SHC4: variants seen among roughly 807,000 people sequenced by gnomAD.
SHC4 encodes the protein SHC adaptor protein 4, also known as SHC-transforming protein 4.
A neutral mutation model predicts 69.4 loss-of-function variants in SHC4; 41 were observed. The observed-to-expected ratio is 0.59, with a 90% CI of 0.46 to 0.77. SHC4 has a LOEUF of 0.77. Among genes scored for constraint, SHC4 ranks in the 30% least tolerant of loss-of-function variants. The pLI is 0.00. For synonymous variants in SHC4, 318 were observed against 299.3 expected (o/e 1.06, Z -0.64); for missense variants, 777 against 783.8 (o/e 0.99, Z 0.10).
At chr15:48,914,161 C>G (rs933431508) in intron 2 of SHC4, among the ~76,000 whole-genome samples, 3 of 152,210 alleles carry the variant, frequency 2.0e-5, no homozygotes, top group Non-Finnish European at 4.4e-5. Context: ...GCGCCCGGCG[C>G]GACATTGTGC....
At chr15:48,955,471 A>T (rs1392274718) in intron 1 of SHC4, among the ~76,000 whole-genome samples, 1 of 152,140 alleles carries the variant, frequency 6.6e-6, no homozygotes, top group African/African-American at 2.4e-5. Flanking sequence ...CATGGAAATG[A>T]GAGGAAACCA....
intron 9 of SHC4, among the ~76,000 whole-genome samples, chr15:48,847,182 A>G (rs1405837393): frequency 6.6e-6 from 1 of 152,150 alleles, no homozygotes; most frequent in Non-Finnish European, 1.5e-5. Flanking sequence ...ACGCCTTCCA[A>G]AAGTTCTTTG....
At chr15:48,839,356 TG>T (rs1898952104) in intron 10 of SHC4, among the ~76,000 whole-genome samples, 2 of 152,172 alleles carry the variant, frequency 1.3e-5, no homozygotes, top group Non-Finnish European at 2.9e-5. Context: ...ATGACCACAG[TG>T]GGAAATAGCC....
chr15:48,960,476 G>A (rs993041709), intron 1 of SHC4, among the ~76,000 whole-genome samples: 17 of 152,176 alleles, frequency 1.1e-4, no homozygotes, highest in African/African-American at 4.1e-4. Context: ...TCCATTATGT[G>A]CCATGTCACT....
chr15:48,936,789 G>C (rs1421607454), intron 1 of SHC4, among the ~76,000 whole-genome samples: 2 of 152,148 alleles, frequency 1.3e-5, no homozygotes, highest in East Asian at 3.8e-4. Context: ...AAAAAGTACT[G>C]GTCATCTGTG....
Position 48,866,665 on chromosome 15 carries a change from G to A in SHC4, c.946+1153C>T, listed in dbSNP as rs571929070. On this transcript the variant is annotated intron_variant, in intron 6 of 11. Transcript: ENST00000332408. ...TGTCTGTCCTATAGATGCCTTTTAC[G>A]CTTTTACATTGTGAGGTCCAGGGTG... is the stretch of plus-strand genomic sequence containing the variant. 8.5e-5 allele frequency among the ~76,000 whole-genome samples: 13 copies of A among 152,192 alleles called. No homozygotes were observed. The East Asian group carries it at 1.2e-3, about 14-fold the overall frequency.
intron 1 of SHC4, among the ~76,000 whole-genome samples, chr15:48,931,231 T>C (rs899824449): frequency 2.6e-5 from 4 of 152,206 alleles, no homozygotes; most frequent in Admixed American, 6.5e-5. Context: ...TTAGAATCAC[T>C]TGGGAAGTAT....
intron 1 of SHC4, chr15:48,938,220 T>C (rs1567074626): frequency 6.6e-6 from 1 of 152,244 alleles, no homozygotes; most frequent in Non-Finnish European, 1.5e-5. Context: ...AGCAATTGAC[T>C]ACTCTCTCCT....
At chr15:48,844,511 T>A (rs901438080) in intron 9 of SHC4, among the ~76,000 whole-genome samples, 2 of 152,188 alleles carry the variant, frequency 1.3e-5, no homozygotes, top group African/African-American at 4.8e-5. Flanking sequence ...CTTTTCTCCA[T>A]CACTGTCATC....
chr15:48,921,427 C>G (rs192054311), intron 2 of SHC4, among the ~76,000 whole-genome samples: 87 of 151,916 alleles, frequency 5.7e-4, no homozygotes, highest in Admixed American at 2.6e-3. Flanking sequence ...CTCCGCCTCC[C>G]GGGTTCAAGC....
chr15:48,865,402 T>A (rs975368382), intron 6 of SHC4, among the ~76,000 whole-genome samples: 1 of 152,160 alleles, frequency 6.6e-6, no homozygotes, highest in African/African-American at 2.4e-5. Context: ...TAGAGACATA[T>A]TAACTTTTAA....
rs117728702 is a variant in SHC4, at chr15:48,861,549, T to G, written c.947-3734A>C. Reference sequence around the variant, plus strand: ...CAGGATTAAAACCAATTCCAAAAGCTTGGCCAAGAATTGCCCAATTTTCAG... The same window carrying G: ...CAGGATTAAAACCAATTCCAAAAGCGTGGCCAAGAATTGCCCAATTTTCAG... On this transcript the variant is annotated intron_variant, in intron 6 of 11. Transcript: ENST00000332408. Among the ~76,000 whole-genome samples, 1,282 of 152,282 alleles carry G rather than the reference T, an allele frequency of 8.4e-3. 72 individuals are homozygous for G. In the East Asian group the frequency reaches 0.14, roughly 17 times the overall value.
intron 2 of SHC4, among the ~76,000 whole-genome samples, chr15:48,892,544 T>C (rs1900154870): frequency 2.0e-5 from 3 of 152,180 alleles, no homozygotes; most frequent in Admixed American, 6.5e-5. Context: ...GACTACTCAA[T>C]AATTGATAAG....
rs779014544 is a variant in SHC4 at position 48,963,021 on chromosome 15, T to C, written c.-6A>G. 17 of 1,598,150 alleles carry C rather than the reference T, an allele frequency of 1.1e-5. 1 individual carries two copies. Among genetic ancestry groups the C allele is most frequent in the Middle Eastern group, 1.7e-4 (1 of 5,986 alleles). ...TCCTGGCCGCGTTCTCGCATAGCCT[T>C]GGCAGTGCTGAAACAGGATACTGTT... On this transcript the variant is annotated 5_prime_UTR_variant, in exon 1 of 12. Transcript: ENST00000332408.
intron 4 of SHC4, chr15:48,878,166 C>G (rs1318024514): frequency 6.5e-7 from 1 of 1,530,680 alleles, no homozygotes; most frequent in South Asian, 1.3e-5. Flanking sequence ...AGAGGTTGAG[C>G]GGTTTGCACA....
chr15:48,928,535 T>G (rs1334923154), intron 1 of SHC4, among the ~76,000 whole-genome samples: 1 of 152,044 alleles, frequency 6.6e-6, no homozygotes, highest in Non-Finnish European at 1.5e-5. Flanking sequence ...AGTGTCAAAG[T>G]GAAGGCTATT....
intron 2 of SHC4, 128 bp from the exon 3 acceptor site, chr15:48,890,939 T>TATTC (rs1227162273): frequency 1.1e-5 from 11 of 965,276 alleles, no homozygotes; most frequent in Non-Finnish European, 1.8e-5. Context: ...ACACAAATGG[T>TATTC]ATTCTCCCAG....
chr15:48,908,962 C>T (rs1900459706), intron 2 of SHC4, among the ~76,000 whole-genome samples: 1 of 152,016 alleles, frequency 6.6e-6, no homozygotes, highest in Non-Finnish European at 1.5e-5. Flanking sequence ...ACTATAGTAT[C>T]GTTTGAAATC....
rs141299983 is a variant in SHC4 at position 48,827,262 on chromosome 15, A to G, written c.1738-1136T>C. On this transcript the variant is annotated intron_variant, in intron 11 of 11. Coordinates refer to ENST00000332408, the MANE Select transcript of SHC4 (RefSeq NM_203349.4). Reference sequence around the variant, plus strand: ...ATGCATAATTACTGGAATAATTAATATAATTTGAATATGGACTATGACTTA... The same window carrying G: ...ATGCATAATTACTGGAATAATTAATGTAATTTGAATATGGACTATGACTTA... Among the ~76,000 whole-genome samples the G allele has an allele frequency of 2.0e-5, 3 of 152,346 alleles. No homozygotes were observed. The East Asian group carries it at 5.8e-4, about 29-fold the overall frequency.
Sources: gnomAD v4.1 joint callset for allele counts (sites outside exome capture counted in the v4.1 genomes callset) on GRCh38, gnomAD v4.1.1 for gene constraint, MANE v1.5 for transcripts, NCBI Gene and HGNC (gene_info 2026-07-23, HGNC 2026-07-21) for gene names.